SLC38A1: variants seen among roughly 807,000 people sequenced by gnomAD.
The protein encoded by SLC38A1 is solute carrier family 38 member 1.
Under a neutral mutation model 60.3 loss-of-function variants are expected in SLC38A1, and 18 were observed. That is an observed-to-expected ratio of 0.30 (90% CI 0.21 to 0.44). The LOEUF is 0.44. Ranked by LOEUF, SLC38A1 falls within the 20% of genes least tolerant of loss-of-function variation. The pLI is 1.00. For missense variants in SLC38A1, 448 were observed against 587.2 expected, an observed-to-expected ratio of 0.76 and a Z score of 2.45; for synonymous variants, 196 against 212.1, an observed-to-expected ratio of 0.92 and a Z score of 0.66.
At chr12:46,263,277 T>A (rs1942254069) in intron 1 of SLC38A1, among the ~76,000 whole-genome samples, 1 of 152,122 alleles carries the variant, frequency 6.6e-6, no homozygotes, top group Non-Finnish European at 1.5e-5. Context: ...AAGCTAGTGC[T>A]CAGGTAGGTA....
At chr12:46,240,439 G>T (rs1001550519) in intron 2 of SLC38A1, among the ~76,000 whole-genome samples, 3 of 152,058 alleles carry the variant, frequency 2.0e-5, no homozygotes, top group Admixed American at 6.6e-5. Context: ...CAGGTGATCC[G>T]CCCTCCTCAG....
chr12:46,183,715 C>T lies in SLC38A1; in HGVS notation c.*5255G>A, dbSNP rs1184506696. 1 of 152,158 alleles carries T rather than the reference C, an allele frequency of 6.6e-6. No homozygotes were observed. The highest frequency in any genetic ancestry group is 1.9e-4 in the East Asian group (1 of 5,196). 9.4% of individuals were successfully genotyped at this position (152,158 alleles called of 1,614,324 possible). On this transcript the variant is annotated 3_prime_UTR_variant, in exon 17 of 17. Coordinates refer to ENST00000398637, the MANE Select transcript of SLC38A1 (RefSeq NM_030674.4). ...AGGATTTGTGTCTAAATATTCCTTACTTGTATCTCAGAGGACTATCTGTTA... is the reference window on the plus strand; with the variant it reads ...AGGATTTGTGTCTAAATATTCCTTATTTGTATCTCAGAGGACTATCTGTTA...
intron 1 of SLC38A1, among the ~76,000 whole-genome samples, chr12:46,264,914 G>A (rs748702537): frequency 7.2e-5 from 11 of 152,104 alleles, no homozygotes; most frequent in Non-Finnish European, 1.3e-4. Context: ...ACCTTTCATA[G>A]ATGTATATTC....
chr12:46,214,716 CAGGACACTTTA>C (rs1940326206), intron 5 of SLC38A1, among the ~76,000 whole-genome samples: 1 of 152,146 alleles, frequency 6.6e-6, no homozygotes, highest in African/African-American at 2.4e-5. Flanking sequence ...AAACCAACCT[CAGGACACTTTA>C]AGGGAGATAA....
intron 3 of SLC38A1, 121 bp from the exon 4 acceptor site, chr12:46,229,760 G>A (rs1374479798): frequency 1.2e-6 from 1 of 847,306 alleles, no homozygotes; most frequent in Non-Finnish European, 1.9e-6. Context: ...CTCTCTAAGA[G>A]TTTACAGCCC....
At chr12:46,226,281 T>A (rs1484976011) in intron 5 of SLC38A1, among the ~76,000 whole-genome samples, 1 of 152,084 alleles carries the variant, frequency 6.6e-6, no homozygotes, top group Non-Finnish European at 1.5e-5. Context: ...CTCTACTTCA[T>A]GTTTTAAATT....
At position 46,195,692 on chromosome 12, in the gene SLC38A1, G is replaced by A. The variant is rs368624372; in HGVS notation, c.1362+2028C>T. 506 of 165,204 alleles carry A rather than the reference G, an allele frequency of 3.1e-3. 20 individuals carry two copies. The South Asian group carries it at 0.075, about 24-fold the overall frequency. The allele number at this position is 165,204 out of a possible 1,614,324, so 10.2% of individuals were successfully genotyped here. A position where few individuals can be genotyped will look rare whatever the true frequency, so the allele number is the denominator to read the frequency against. ...TCTCCCTGCATCAAGCTGCAGCGTCGCAGGTCGATCTTAGACTGTTGCGCT... is the reference window on the plus strand; with the variant it reads ...TCTCCCTGCATCAAGCTGCAGCGTCACAGGTCGATCTTAGACTGTTGCGCT... On this transcript the variant is annotated intron_variant, in intron 16 of 16. Coordinates refer to ENST00000398637, the MANE Select transcript of SLC38A1 (RefSeq NM_030674.4).
chr12:46,203,265 C>T (rs1361599836), intron 11 of SLC38A1, among the ~76,000 whole-genome samples, 176 bp from the exon 12 acceptor site: 1 of 152,188 alleles, frequency 6.6e-6, no homozygotes, highest in Non-Finnish European at 1.5e-5. Flanking sequence ...GACAGCTTGT[C>T]TAGCTCGAGC....
At chr12:46,196,671 C>T (rs909522464) in intron 16 of SLC38A1, among the ~76,000 whole-genome samples, 3 of 152,170 alleles carry the variant, frequency 2.0e-5, no homozygotes, top group Non-Finnish European at 4.4e-5. Flanking sequence ...CTCCTGCCTA[C>T]ACCTCTCATC....
Position 46,236,699 on chromosome 12 carries a change from C to G in SLC38A1, c.122+2980G>C, listed in dbSNP as rs183137194. Among the ~76,000 whole-genome samples the G allele has an allele frequency of 7.2e-4, 110 of 152,280 alleles. 1 individual carries two copies. Among genetic ancestry groups the G allele is most frequent in the African/African-American group, 2.2e-3 (92 of 41,556 alleles). On this transcript the variant is annotated intron_variant, in intron 3 of 16. Coordinates refer to ENST00000398637, the MANE Select transcript of SLC38A1 (RefSeq NM_030674.4). ...AGAAGGAATATAAAGATGATTAAGA[C>G]AGTCCCTTTTCACAAGAAGTTCACA...
intron 16 of SLC38A1, among the ~76,000 whole-genome samples, chr12:46,193,408 T>G (rs943623842): frequency 1.8e-4 from 28 of 152,234 alleles, no homozygotes. Flanking sequence ...GCATATTGTC[T>G]TGATTTGTGG....
At chr12:46,203,320 T>C (rs1472109991) in intron 11 of SLC38A1, among the ~76,000 whole-genome samples, 1 of 152,218 alleles carries the variant, frequency 6.6e-6, no homozygotes, top group Admixed American at 6.5e-5. Flanking sequence ...GGCTCACCTA[T>C]GGTGTATTTT....
At chr12:46,247,205 G>A (rs1941651446) in intron 1 of SLC38A1, among the ~76,000 whole-genome samples, 1 of 152,212 alleles carries the variant, frequency 6.6e-6, no homozygotes, top group Non-Finnish European at 1.5e-5. Flanking sequence ...GCCAAAGTAG[G>A]CTTCAGAAGG....
intron 5 of SLC38A1, among the ~76,000 whole-genome samples, chr12:46,220,596 A>G (rs147314023): frequency 6.6e-6 from 1 of 152,348 alleles, no homozygotes; most frequent in African/African-American, 2.4e-5. Flanking sequence ...AGAGGAGATG[A>G]CTTACCATTT....
chr12:46,191,607 G>A (rs894626784), intron 16 of SLC38A1, among the ~76,000 whole-genome samples: 7 of 151,940 alleles, frequency 4.6e-5, no homozygotes, highest in East Asian at 1.9e-4. Flanking sequence ...CTTTTATTTC[G>A]TTGAGCAGTG....
At chr12:46,247,946 G>A (rs1941679984) in intron 1 of SLC38A1, among the ~76,000 whole-genome samples, 2 of 152,104 alleles carry the variant, frequency 1.3e-5, no homozygotes, top group African/African-American at 4.8e-5. Context: ...AGCTTCATAA[G>A]TGAAGGAGAA....
intron 1 of SLC38A1, among the ~76,000 whole-genome samples, chr12:46,248,911 C>T (rs1455068749): frequency 6.6e-6 from 1 of 152,162 alleles, no homozygotes; most frequent in African/African-American, 2.4e-5. Flanking sequence ...AATCTCAGCA[C>T]TTTGGGAGGC....
chr12:46,258,560 G>C (rs1367290491), intron 1 of SLC38A1, among the ~76,000 whole-genome samples: 2 of 152,210 alleles, frequency 1.3e-5, no homozygotes, highest in African/African-American at 2.4e-5. Context: ...CCTATCACAG[G>C]AGGTTAGATG....
intron 13 of SLC38A1, among the ~76,000 whole-genome samples, chr12:46,199,448 CA>C (rs1555184495): frequency 6.6e-6 from 1 of 151,780 alleles, no homozygotes; most frequent in Non-Finnish European, 1.5e-5. Context: ...TTCATGGGCA[CA>C]AGCAATCCTC....
Sources: allele counts gnomAD v4.1 joint callset (sites outside exome capture counted in the v4.1 genomes callset), GRCh38; gene constraint gnomAD v4.1.1; transcripts MANE v1.5; gene names NCBI Gene and HGNC (gene_info 2026-07-23, HGNC 2026-07-21).